ATP13A4: variants seen among roughly 807,000 people sequenced by gnomAD.
ATP13A4 encodes probable cation-transporting ATPase 13A4.
In ATP13A4, 114 loss-of-function variants were observed where a neutral mutation model predicts 142.5. That is an observed-to-expected ratio of 0.80 (90% CI 0.69 to 0.93). The LOEUF (loss-of-function observed/expected upper bound fraction) is 0.93. Ranked by LOEUF, ATP13A4 falls within the 40% of genes least tolerant of loss-of-function variation. ATP13A4 has a pLI of 0.00. For synonymous variants in ATP13A4, 488 were observed against 514.8 expected (o/e 0.95, Z 0.70); for missense variants, 1,392 against 1,454.0 (o/e 0.96, Z 0.69).
chr3:193,430,916 C>T (rs573487379), intron 25 of ATP13A4, among the ~76,000 whole-genome samples: 1 of 152,034 alleles, frequency 6.6e-6, no homozygotes, highest in Admixed American at 6.6e-5. Context: ...AGGGCAGCAA[C>T]AGTGGAAGCA....
At chr3:193,425,691 T>A (rs1466033673) in intron 25 of ATP13A4, among the ~76,000 whole-genome samples, 1 of 151,686 alleles carries the variant, frequency 6.6e-6, no homozygotes, top group Non-Finnish European at 1.5e-5. Context: ...AGAATAGTGG[T>A]TTCTTAAAGC....
intron 24 of ATP13A4, among the ~76,000 whole-genome samples, chr3:193,434,335 T>A (rs1300157569): frequency 2.6e-5 from 4 of 152,152 alleles, no homozygotes; most frequent in Non-Finnish European, 5.9e-5. Context: ...AAAATAAGAA[T>A]AAGTAAACTC....
chr3:193,443,316 G>T (rs548060250), intron 18 of ATP13A4, among the ~76,000 whole-genome samples: 1 of 152,292 alleles, frequency 6.6e-6, no homozygotes, highest in Non-Finnish European at 1.5e-5. Flanking sequence ...GTGTGGACCA[G>T]ATCCAAAGAA....
At chr3:193,501,898 G>A (rs1560236724) in intron 3 of ATP13A4, among the ~76,000 whole-genome samples, 1 of 152,122 alleles carries the variant, frequency 6.6e-6, no homozygotes, top group Non-Finnish European at 1.5e-5. Context: ...GGATATTCCT[G>A]GGTGATTACT....
chr3:193,554,617 G>A, intron 1 of ATP13A4, 123 bp downstream of exon 1: 1 of 1,298,842 alleles, frequency 7.7e-7, no homozygotes, highest in Non-Finnish European at 1.1e-6. Context: ...ATACCAGAGT[G>A]AAATTTTAGA....
intron 29 of ATP13A4, among the ~76,000 whole-genome samples, chr3:193,403,321 C>T (rs1020989374): frequency 1.3e-5 from 2 of 152,176 alleles, no homozygotes; most frequent in Middle Eastern, 3.2e-3. Flanking sequence ...CCTGACATAT[C>T]ACTGCATATT....
intron 25 of ATP13A4, among the ~76,000 whole-genome samples, chr3:193,430,942 T>A (rs931961166): frequency 5.9e-5 from 9 of 152,062 alleles, no homozygotes; most frequent in African/African-American, 1.9e-4. Flanking sequence ...AGCTATAAAG[T>A]TGTTACAGTA....
chr3:193,549,018 C>G (rs551829005), intron 1 of ATP13A4, among the ~76,000 whole-genome samples: 1 of 152,172 alleles, frequency 6.6e-6, no homozygotes, highest in Non-Finnish European at 1.5e-5. Context: ...ATAATACAAC[C>G]ACAGAATATC....
At chr3:193,466,897 G>C (rs1240269916) in intron 10 of ATP13A4, among the ~76,000 whole-genome samples, 2 of 152,026 alleles carry the variant, frequency 1.3e-5, no homozygotes, top group Non-Finnish European at 2.9e-5. Flanking sequence ...TATATGATGT[G>C]TTTTGTACCT....
intron 25 of ATP13A4, among the ~76,000 whole-genome samples, chr3:193,426,862 T>C (rs1346744101): frequency 1.3e-5 from 2 of 151,940 alleles, no homozygotes; most frequent in African/African-American, 4.8e-5. Flanking sequence ...ATCAATGACC[T>C]AAATGTAAGA....
In ATP13A4 at chr3:193,457,095, C is replaced by A. The variant is rs1185437984; in HGVS notation, c.1820G>T (p.Arg607Ile). 2 of 1,613,898 alleles carry A rather than the reference C, an allele frequency of 1.2e-6. No individual in the cohort carries two copies. Among genetic ancestry groups the A allele is most frequent in the Admixed American group, 1.7e-5 (1 of 60,014 alleles). The change falls in exon 16 of 30, where the codon AGA becomes ATA. Residue 607 changes from arginine (R) to isoleucine (I), a missense_variant. Coordinates refer to ENST00000342695, the MANE Select transcript of ATP13A4 (RefSeq NM_032279.4). ...CATCTCTTGGACAATGACTGTCATT[C>A]TTTGCAGTGCCGATGAGAATGGGAA... Reference protein sequence around the residue: ...HQFPFSSALQRMTVIVQEMGG... With the variant: ...HQFPFSSALQIMTVIVQEMGG...
Position 193,417,947 on chromosome 3 carries a change from C to A in ATP13A4, c.2843-3197G>T, listed in dbSNP as rs1171471077. Among the ~76,000 whole-genome samples, 3 of 145,856 alleles carry A rather than the reference C, an allele frequency of 2.1e-5. No individual in the cohort carries two copies. In the East Asian group the frequency reaches 6.6e-4, roughly 32 times the overall value. ...ACCATCCCGGCTAAAACGGTGAAACCCCGTCTCTACTAAAAATACAAAAAA... is the reference window on the plus strand; with the variant it reads ...ACCATCCCGGCTAAAACGGTGAAACACCGTCTCTACTAAAAATACAAAAAA... On this transcript the variant is annotated intron_variant, in intron 25 of 29. Coordinates refer to ENST00000342695, the MANE Select transcript of ATP13A4 (RefSeq NM_032279.4).
In ATP13A4 at chr3:193,528,159, C is replaced by A. The variant is rs1722114353; in HGVS notation, c.61-13288G>T. Among the ~76,000 whole-genome samples the A allele has an allele frequency of 2.6e-5, 4 of 152,322 alleles. 1 individual carries two copies. In the South Asian group the frequency reaches 8.3e-4, roughly 32 times the overall value. Reference sequence around the variant, plus strand: ...GTTGTGCAGACTACCTGCTTAAGAACTGTCAGAGCGTCCTCTGGGAGAAGG... The same window carrying A: ...GTTGTGCAGACTACCTGCTTAAGAAATGTCAGAGCGTCCTCTGGGAGAAGG... On this transcript the variant is annotated intron_variant, in intron 1 of 29. Transcript: ENST00000342695.
At chr3:193,538,892 CTTTTTTTTTTT>C in intron 1 of ATP13A4, among the ~76,000 whole-genome samples, 1 of 120,854 alleles carries the variant, frequency 8.3e-6, no homozygotes, top group Non-Finnish European at 1.7e-5. Context: ...TTGGTTTTTT[CTTTTTTTTTTT>C]TTTTTTTTGA....
chr3:193,551,325 A>C (rs1723550615), intron 1 of ATP13A4, among the ~76,000 whole-genome samples: 1 of 152,166 alleles, frequency 6.6e-6, no homozygotes, highest in Non-Finnish European at 1.5e-5. Flanking sequence ...AAGCAGGAGA[A>C]ACACTTGAAC....
chr3:193,509,037 T>G (rs1386675749), intron 2 of ATP13A4, among the ~76,000 whole-genome samples: 1 of 151,644 alleles, frequency 6.6e-6, no homozygotes, highest in Non-Finnish European at 1.5e-5. Context: ...GCTTATAATT[T>G]TAAAGGATCA....
At chr3:193,539,093 G>C (rs377448202) in intron 1 of ATP13A4, among the ~76,000 whole-genome samples, 1 of 151,878 alleles carries the variant, frequency 6.6e-6, no homozygotes, top group Admixed American at 6.6e-5. Context: ...GGCTAGTCTC[G>C]AACTCCCAAC....
intron 3 of ATP13A4, among the ~76,000 whole-genome samples, chr3:193,496,335 T>C (rs1577022725): frequency 6.6e-6 from 1 of 152,218 alleles, no homozygotes; most frequent in Non-Finnish European, 1.5e-5. Context: ...TACAAAGCGA[T>C]AGTAACTAAA....
At chr3:193,429,735 C>A (rs1198887235) in intron 25 of ATP13A4, among the ~76,000 whole-genome samples, 2 of 151,548 alleles carry the variant, frequency 1.3e-5, no homozygotes, top group Non-Finnish European at 2.9e-5. Flanking sequence ...TAATTCATGT[C>A]CCTAAATTAT....
Sources: gnomAD v4.1 joint callset for allele counts (sites outside exome capture counted in the v4.1 genomes callset) on GRCh38, gnomAD v4.1.1 for gene constraint, MANE v1.5 for transcripts, NCBI Gene and HGNC (gene_info 2026-07-23, HGNC 2026-07-21) for gene names.